OPHN1: variants seen among roughly 807,000 people sequenced by gnomAD.
The protein encoded by OPHN1 is oligophrenin-1.
In OPHN1, 11 loss-of-function variants were observed where a neutral mutation model predicts 60.7. That is an observed-to-expected ratio of 0.18 (90% CI 0.11 to 0.30). The LOEUF (loss-of-function observed/expected upper bound fraction) is 0.30, where lower values mean the gene tolerates loss of function less well. OPHN1 is among the 10% of genes least tolerant of loss of function. The probability of loss-of-function intolerance (pLI) is 1.00; values close to 1 mark genes in which losing one functional copy is unlikely to be tolerated. For synonymous variants in OPHN1, 226 were observed against 222.6 expected (o/e 1.02, Z -0.14); for missense variants, 449 against 611.0 (o/e 0.73, Z 2.80).
chrX:68,219,842 T>C (rs982900431), intron 6 of OPHN1, among the ~76,000 whole-genome samples: 7 of 101,873 alleles, frequency 6.9e-5, no homozygotes, highest in African/African-American at 2.5e-4. Flanking sequence ...AGATCCAAAA[T>C]TGTCACCCTA....
At chrX:68,052,405 A>G (rs186650354) in intron 23 of OPHN1, 135 bp downstream of exon 23, 187 of 586,672 alleles carry the variant, frequency 3.2e-4, no homozygotes, top group Non-Finnish European at 4.6e-4. Flanking sequence ...AGAATTGGGG[A>G]AGAGAAAGTG....
intron 5 of OPHN1, among the ~76,000 whole-genome samples, chrX:68,262,814 C>A (rs867955507): frequency 5.0e-5 from 5 of 100,074 alleles, no homozygotes; most frequent in Admixed American, 4.7e-4. Context: ...CAGGACAGGA[C>A]AGGACAAGAA....
intron 2 of OPHN1, among the ~76,000 whole-genome samples, chrX:68,393,403 G>A (rs756551897): frequency 4.5e-5 from 5 of 111,658 alleles, no homozygotes; most frequent in Non-Finnish European, 9.4e-5. Flanking sequence ...CAATCCTCCT[G>A]CCTCAGGCTC....
chrX:68,349,557 G>C (rs751564998), intron 2 of OPHN1, among the ~76,000 whole-genome samples: 18 of 111,495 alleles, frequency 1.6e-4, no homozygotes, highest in Admixed American at 9.6e-4. Flanking sequence ...CCCATTACTG[G>C]GTATATACCC....
At chrX:68,140,440 C>T (rs2077237513) in intron 15 of OPHN1, among the ~76,000 whole-genome samples, 1 of 111,853 alleles carries the variant, frequency 8.9e-6, no homozygotes, top group South Asian at 3.8e-4. Context: ...GCACACAGTA[C>T]ATATCCAATA....
chrX:68,222,592 T>G (rs773541800), intron 6 of OPHN1, among the ~76,000 whole-genome samples: 2 of 105,732 alleles, frequency 1.9e-5, no homozygotes, highest in South Asian at 9.1e-4. Context: ...TGGAATAGTA[T>G]GCAGCCATAA....
chrX:68,049,442 T>C (rs1415169875), intron 23 of OPHN1, among the ~76,000 whole-genome samples: 1 of 111,831 alleles, frequency 8.9e-6, no homozygotes, highest in Admixed American at 9.5e-5. Flanking sequence ...CAATGTTCCA[T>C]GTTTGAAAAT....
chrX:68,263,021 TTC>T lies in OPHN1; in HGVS notation c.384+11715_384+11716del, dbSNP rs1202697083. ...TTACAAATATTTTTAACCAATAGAG[TTC>T]TGTTATAAAAGACATGTTGCCCCCA... On this transcript the variant is annotated intron_variant, in intron 5 of 24. Coordinates refer to ENST00000355520, the MANE Select transcript of OPHN1 (RefSeq NM_002547.3). Among the ~76,000 whole-genome samples, 3 of 111,659 alleles carry T rather than the reference TTC, an allele frequency of 2.7e-5. No individual in the cohort carries two copies. In the East Asian group the frequency reaches 8.4e-4, roughly 31 times the overall value.
At chrX:68,256,116 GAGGT>G (rs778049709) in intron 5 of OPHN1, among the ~76,000 whole-genome samples, 22 of 111,431 alleles carry the variant, frequency 2.0e-4, no homozygotes, top group African/African-American at 6.9e-4. Context: ...CCAGCTTGAG[GAGGT>G]AGTGTCTGAT....
chrX:68,338,335 T>G (rs953370635), intron 2 of OPHN1, among the ~76,000 whole-genome samples: 3 of 112,394 alleles, frequency 2.7e-5, no homozygotes, highest in Non-Finnish European at 5.6e-5. Flanking sequence ...CAGGATAGAT[T>G]ATATGCTACT....
At chrX:68,216,443 A>T (rs1237473121) in intron 6 of OPHN1, among the ~76,000 whole-genome samples, 1 of 111,185 alleles carries the variant, frequency 9.0e-6, no homozygotes, top group Non-Finnish European at 1.9e-5. Context: ...ATAGACTGTC[A>T]TAGTGCACAA....
intron 3 of OPHN1, among the ~76,000 whole-genome samples, chrX:68,292,865 G>A (rs1017588020): frequency 4.5e-5 from 5 of 112,039 alleles, no homozygotes; most frequent in Non-Finnish European, 9.4e-5. Flanking sequence ...TATCACCACA[G>A]CAGAAGGTGC....
chrX:68,194,640 G>A, intron 12 of OPHN1, 142 bp from the exon 13 acceptor site: 1 of 546,363 alleles, frequency 1.8e-6, no homozygotes, highest in Non-Finnish European at 3.0e-6. Flanking sequence ...TAGCCAAGTG[G>A]GCTAAACATA....
chrX:68,431,708 G>C (rs964150193), intron 2 of OPHN1, among the ~76,000 whole-genome samples: 1 of 110,679 alleles, frequency 9.0e-6, no homozygotes, highest in Non-Finnish European at 1.9e-5. Context: ...GATTACAGGC[G>C]TGAGCCACCT....
intron 3 of OPHN1, among the ~76,000 whole-genome samples, chrX:68,288,180 A>G (rs1036812245): frequency 8.9e-5 from 10 of 111,760 alleles, no homozygotes; most frequent in African/African-American, 2.9e-4. Context: ...TGCTTTCTAA[A>G]AAGGTTAAGA....
chrX:68,057,881 C>T (rs2076879059), intron 21 of OPHN1, among the ~76,000 whole-genome samples: 1 of 111,817 alleles, frequency 8.9e-6, no homozygotes, highest in Non-Finnish European at 1.9e-5. Context: ...TTCAGCGGAT[C>T]ATTTCCTTAC....
intron 2 of OPHN1, among the ~76,000 whole-genome samples, chrX:68,386,743 T>C (rs903007413): frequency 8.9e-6 from 1 of 112,258 alleles, no homozygotes; most frequent in Non-Finnish European, 1.9e-5. Flanking sequence ...GGGAAACTAA[T>C]ATCCGTATTT....
At chrX:68,365,214 C>A (rs1027164888) in intron 2 of OPHN1, among the ~76,000 whole-genome samples, 1 of 109,776 alleles carries the variant, frequency 9.1e-6, no homozygotes, top group Non-Finnish European at 1.9e-5. Flanking sequence ...AAGAGTCATT[C>A]AACAAGGCCT....
chrX:68,051,615 G>T (rs771292520), intron 23 of OPHN1, among the ~76,000 whole-genome samples: 34 of 110,764 alleles, frequency 3.1e-4, no homozygotes, highest in Non-Finnish European at 5.7e-5. Context: ...ATCTTAGAGT[G>T]TAATATTCTA....
Sources: gnomAD v4.1 joint callset for allele counts (sites outside exome capture counted in the v4.1 genomes callset) on GRCh38, gnomAD v4.1.1 for gene constraint, MANE v1.5 for transcripts, NCBI Gene and HGNC (gene_info 2026-07-23, HGNC 2026-07-21) for gene names.